The following FARP1 variants were observed in gnomAD, a reference collection of about 807,000 sequenced individuals.
FARP1 encodes the protein FERM, ARH/RhoGEF and pleckstrin domain protein 1.
In FARP1, 52 loss-of-function variants were observed where a neutral mutation model predicts 128.8. The observed-to-expected ratio is 0.40, with a 90% CI of 0.32 to 0.51. The LOEUF (loss-of-function observed/expected upper bound fraction) is 0.51, where lower values mean the gene tolerates loss of function less well. FARP1 is among the 20% of genes least tolerant of loss of function. FARP1 has a pLI of 0.45. For missense variants in FARP1, 1,333 were observed against 1,367.9 expected (o/e 0.97, Z 0.40); for synonymous variants, 580 against 551.8 (o/e 1.05, Z -0.72).
intron 17 of FARP1, chr13:98,425,376 T>G (rs967053922): frequency 8.6e-5 from 13 of 150,696 alleles, no homozygotes; most frequent in African/African-American, 2.9e-4. Context: ...AGTTTTTTTT[T>G]TTTGTTTGGT....
At chr13:98,398,433 T>C (rs1354738433) in intron 13 of FARP1, 4 of 152,238 alleles carry the variant, frequency 2.6e-5, no homozygotes, top group Non-Finnish European at 5.9e-5. Flanking sequence ...TTTGCATAAC[T>C]AATACAGCTA....
intron 2 of FARP1, among the ~76,000 whole-genome samples, chr13:98,291,349 G>A (rs748877661): frequency 3.3e-5 from 5 of 152,180 alleles, no homozygotes; most frequent in Non-Finnish European, 7.3e-5. Flanking sequence ...CTGAGGAGGA[G>A]GAGGAGGATG....
At chr13:98,166,716 TTTTC>T (rs1481329196) in intron 1 of FARP1, among the ~76,000 whole-genome samples, 17 of 140,742 alleles carry the variant, frequency 1.2e-4, no homozygotes, top group Admixed American at 8.2e-4. Context: ...AGATGCCAGT[TTTTC>T]TTTCTTTTTT....
At position 98,446,773 on chromosome 13, in the gene FARP1, C is replaced by G. The variant is rs771987186; in HGVS notation, c.3012C>G (p.Ser1004=). The G allele has an allele frequency of 1.2e-6, 2 of 1,614,176 alleles. No homozygotes were observed. The highest frequency in any genetic ancestry group is 1.7e-6 in the Non-Finnish European group (2 of 1,180,042). The change falls in exon 26 of 27, where the codon TCC becomes TCG. Residue 1004 remains serine (S), a synonymous_variant. Coordinates refer to ENST00000319562, the MANE Select transcript of FARP1 (RefSeq NM_005766.4). ...ACGTGTTCAAGCTGCACTTCAAGTC[C>G]CACGTCTACTACTTCAGGGCGGAAA... The part of the protein sequence containing the change: ...KDYVFKLHFK[S]HVYYFRAESE...
intron 3 of FARP1, among the ~76,000 whole-genome samples, chr13:98,357,493 T>A (rs1888688659): frequency 1.3e-5 from 2 of 152,340 alleles, no homozygotes; most frequent in South Asian, 4.1e-4. Flanking sequence ...TCTTCAAGTT[T>A]AGTAATATTT....
intron 4 of FARP1, among the ~76,000 whole-genome samples, chr13:98,365,919 T>G (rs1302346146): frequency 3.9e-5 from 3 of 76,014 alleles, no homozygotes; most frequent in African/African-American, 1.3e-4. Context: ...GTGTGTGTGT[T>G]TCTGAGTAGC....
chr13:98,154,927 AGGAGCT>A (rs1356076867), intron 1 of FARP1, among the ~76,000 whole-genome samples: 1 of 152,212 alleles, frequency 6.6e-6, no homozygotes, highest in Admixed American at 6.5e-5. Flanking sequence ...GATGTCAGCT[AGGAGCT>A]GGGCATGGTG....
chr13:98,382,784 T>C (rs1463943534), intron 6 of FARP1, among the ~76,000 whole-genome samples: 18 of 152,154 alleles, frequency 1.2e-4, no homozygotes, highest in Admixed American at 1.2e-3. Context: ...GTCTATTTAG[T>C]GCCACGCTTT....
chr13:98,159,020 C>CT (rs370567607), intron 1 of FARP1, among the ~76,000 whole-genome samples: 1 of 152,282 alleles, frequency 6.6e-6, no homozygotes, highest in Non-Finnish European at 1.5e-5. Context: ...TAAGAAAAGT[C>CT]TATCTTCAAG....
chr13:98,295,474 T>G (rs1394926105), intron 2 of FARP1, among the ~76,000 whole-genome samples: 1 of 152,232 alleles, frequency 6.6e-6, no homozygotes, highest in Non-Finnish European at 1.5e-5. Flanking sequence ...TTACTACCTC[T>G]GCTTATAAAC....
intron 1 of FARP1, among the ~76,000 whole-genome samples, chr13:98,160,575 A>G (rs1197431357): frequency 6.6e-6 from 1 of 152,208 alleles, no homozygotes; most frequent in East Asian, 1.9e-4. Flanking sequence ...GGCAGAATAC[A>G]TACACACAGA....
At chr13:98,440,586 C>T (rs576899006) in intron 23 of FARP1, 84 bp from the exon 24 acceptor site, 1 of 1,438,964 alleles carries the variant, frequency 6.9e-7, no homozygotes, top group Non-Finnish European at 9.4e-7. Context: ...TGTGAGCCCC[C>T]CAACCTTCCA....
At chr13:98,338,579 GGTT>G (rs1887836596) in intron 2 of FARP1, 1 of 152,192 alleles carries the variant, frequency 6.6e-6, no homozygotes, top group Non-Finnish European at 1.5e-5. Context: ...TGGACACCTG[GGTT>G]GCTTCTAGCT....
chr13:98,174,699 C>T lies in FARP1; in HGVS notation c.-24+31207C>T, dbSNP rs77131705. ...TTGAACTGTCTGCCTTGTCGACTATCAAGCTGCCATTTTCCCTGCTTGAAT... is the reference window on the plus strand; with the variant it reads ...TTGAACTGTCTGCCTTGTCGACTATTAAGCTGCCATTTTCCCTGCTTGAAT... On this transcript the variant is annotated intron_variant, in intron 1 of 26. Transcript: ENST00000319562. Among the ~76,000 whole-genome samples, 43 of 152,296 alleles carry T rather than the reference C, an allele frequency of 2.8e-4. No individual in the cohort carries two copies. In the East Asian group the frequency reaches 8.1e-3, roughly 29 times the overall value.
intron 2 of FARP1, among the ~76,000 whole-genome samples, chr13:98,335,905 T>G (rs543006709): frequency 6.6e-6 from 1 of 152,178 alleles, no homozygotes; most frequent in Admixed American, 6.5e-5. Flanking sequence ...AGAGCATGCC[T>G]TGGTTGTCAT....
At position 98,424,561 on chromosome 13, in the gene FARP1, T is replaced by G; in HGVS notation, c.1827-11T>G. ...TGCTTTGTATTTCCAACCCTTTGCTTTTGCTCTCAGGGAAGGCCGCTCAAA... is the reference window on the plus strand; with the variant it reads ...TGCTTTGTATTTCCAACCCTTTGCTGTTGCTCTCAGGGAAGGCCGCTCAAA... On this transcript the variant is annotated splice_polypyrimidine_tract_variant and intron_variant, in intron 16 of 26. Coordinates refer to ENST00000319562, the MANE Select transcript of FARP1 (RefSeq NM_005766.4). 6.3e-7 allele frequency: 1 copy of G among 1,595,088 alleles called. No individual in the cohort carries two copies. Among genetic ancestry groups the G allele is most frequent in the Non-Finnish European group, 8.6e-7 (1 of 1,162,628 alleles).
At position 98,166,985 on chromosome 13, in the gene FARP1, C is replaced by T. The variant is rs557544869; in HGVS notation, c.-24+23493C>T. 5.3e-5 allele frequency among the ~76,000 whole-genome samples: 8 copies of T among 152,296 alleles called. No homozygotes were observed. The South Asian group carries it at 6.2e-4, about 12-fold the overall frequency. On this transcript the variant is annotated intron_variant, in intron 1 of 26. Coordinates refer to ENST00000319562, the MANE Select transcript of FARP1 (RefSeq NM_005766.4). ...CAGGCAATCTGCCTGCCTCGGCCTC[C>T]CAAAGTTCTGGGATTACAGGCATGT...
intron 18 of FARP1, 165 bp downstream of exon 18, chr13:98,431,445 G>A (rs1892018210): frequency 1.9e-6 from 1 of 523,258 alleles, no homozygotes; most frequent in Non-Finnish European, 3.4e-6. Context: ...CTGCTCTGGT[G>A]TTTGGTTACA....
At chr13:98,227,398 C>A (rs1478825640) in intron 2 of FARP1, among the ~76,000 whole-genome samples, 1 of 149,530 alleles carries the variant, frequency 6.7e-6, no homozygotes, top group Non-Finnish European at 1.5e-5. Flanking sequence ...TTAAGAAATG[C>A]AAATCAAAAT....
Sources: gnomAD v4.1 joint callset for allele counts (sites outside exome capture counted in the v4.1 genomes callset) on GRCh38, gnomAD v4.1.1 for gene constraint, MANE v1.5 for transcripts, NCBI Gene and HGNC (gene_info 2026-07-23, HGNC 2026-07-21) for gene names.